The following RNF212 variants were observed in gnomAD, a reference collection of about 807,000 sequenced individuals.
RNF212 encodes the protein ring finger protein 212.
Under a neutral mutation model 34.7 loss-of-function variants are expected in RNF212, and 33 were observed. The ratio of observed to expected loss-of-function variants is 0.95; its 90% CI spans 0.72 to 1.27. RNF212 has a LOEUF of 1.27. RNF212 is among the 50% of genes most tolerant of loss of function. The pLI, the probability that RNF212 is intolerant of heterozygous loss-of-function variation, is 0.00. For missense variants in RNF212, 377 were observed against 362.2 expected (o/e 1.04, Z -0.33); for synonymous variants, 140 against 136.1 (o/e 1.03, Z -0.20).
At chr4:1,093,641 G>C in intron 3 of RNF212, 1 of 1,535,920 alleles carries the variant, frequency 6.5e-7, no homozygotes, top group Non-Finnish European at 8.7e-7. Flanking sequence ...TCCTGAGACA[G>C]CACCTGGCCT....
chr4:1,093,658 CACT>C, intron 3 of RNF212: 1 of 1,535,980 alleles, frequency 6.5e-7, no homozygotes, highest in Non-Finnish European at 8.7e-7. Flanking sequence ...GCCTCTGCAG[CACT>C]TGGCAAAACC....
At chr4:1,062,437 G>A (rs1197661627) in intron 3 of RNF212, among the ~76,000 whole-genome samples, 2 of 152,258 alleles carry the variant, frequency 1.3e-5, no homozygotes, top group Middle Eastern at 3.4e-3. Context: ...AAGAGAAAGA[G>A]AAAGCACTTG....
At chr4:1,063,631 TG>T (rs1717892496) in intron 3 of RNF212, among the ~76,000 whole-genome samples, 1 of 146,438 alleles carries the variant, frequency 6.8e-6, no homozygotes, top group South Asian at 2.2e-4. Flanking sequence ...AACCCAGAGG[TG>T]GAGGTTGCAG....
At chr4:1,056,878 C>T (rs760140921) in intron 4 of RNF212, 1,126 of 987,836 alleles carry the variant, frequency 1.1e-3, no homozygotes, top group Non-Finnish European at 1.2e-3. Flanking sequence ...TGCTGATGGG[C>T]GGCCGGGGGG....
chr4:1,093,426 A>G, intron 3 of RNF212: 1 of 1,428,186 alleles, frequency 7.0e-7, no homozygotes, highest in Non-Finnish European at 9.1e-7. Context: ...AAATGTTACA[A>G]TACCACCTCA....
At chr4:1,098,310 C>A (rs1723381777) in intron 2 of RNF212, among the ~76,000 whole-genome samples, 1 of 152,174 alleles carries the variant, frequency 6.6e-6, no homozygotes, top group Non-Finnish European at 1.5e-5. Context: ...GAAATGATAT[C>A]TTGAATTGAC....
downstream of RNF212, among the ~76,000 whole-genome samples, chr4:1,069,304 T>G (rs530654746): frequency 6.6e-6 from 1 of 152,132 alleles, no homozygotes; most frequent in Non-Finnish European, 1.5e-5. Context: ...TTCTTTATAG[T>G]AGAATGACAA....
rs769642054 is a variant in RNF212, at chr4:1,072,906, G to C, written c.862C>G (p.Leu288Val). 1 of 1,613,012 alleles carries C rather than the reference G, an allele frequency of 6.2e-7. No homozygotes were observed. The highest frequency in any genetic ancestry group is 8.5e-7 in the Non-Finnish European group (1 of 1,179,310). Reference sequence around the variant, plus strand: ...GACTTTTTCCTTTCAAATTGGCAAAGAGGAAACACAACAGACACAGCGGGT... The same window carrying C: ...GACTTTTTCCTTTCAAATTGGCAAACAGGAAACACAACAGACACAGCGGGT... ...RTPAVSVVFP[L>V]CQFERKKSF is the part of the protein sequence containing the mutation. The change falls in exon 10 of 10, where the codon CTT becomes GTT. Residue 288 changes from leucine to valine, a missense_variant. By Grantham distance (32) the Leu-to-Val change is conservative. Coordinates refer to ENST00000433731, the MANE Select transcript of RNF212 (RefSeq NM_001131034.4).
chr4:1,102,634 C>T (rs1189162297), intron 2 of RNF212, among the ~76,000 whole-genome samples: 4 of 151,628 alleles, frequency 2.6e-5, no homozygotes, highest in East Asian at 1.9e-4. Flanking sequence ...AGGCAGATCA[C>T]GAGGTCAGGA....
intron 4 of RNF212, chr4:1,056,878 C>G: frequency 4.0e-6 from 4 of 987,962 alleles, no homozygotes; most frequent in Non-Finnish European, 3.6e-6. Context: ...TGCTGATGGG[C>G]GGCCGGGGGG....
At position 1,073,785 on chromosome 4, in the gene RNF212, C is replaced by T. The variant is rs1577646315; in HGVS notation, c.511-123G>A. 3 of 697,022 alleles carry T rather than the reference C, an allele frequency of 4.3e-6. No homozygotes were observed. The East Asian group carries it at 8.1e-5, about 19-fold the overall frequency. 43.2% of individuals were successfully genotyped at this position (697,022 alleles called of 1,614,324 possible). On this transcript the variant is annotated intron_variant, in intron 8 of 9. Transcript: ENST00000433731. ...CCATCTCCCTCATCTTTATCGCCCTCTGACAAGTTCCTGTCTAACTTGATT... is the reference window on the plus strand; with the variant it reads ...CCATCTCCCTCATCTTTATCGCCCTTTGACAAGTTCCTGTCTAACTTGATT...
intron 3 of RNF212, among the ~76,000 whole-genome samples, chr4:1,061,022 C>T (rs1717716388): frequency 6.6e-6 from 1 of 152,218 alleles, no homozygotes; most frequent in South Asian, 2.1e-4. Flanking sequence ...ATTCAGGCCT[C>T]TGGAAATCAA....
At chr4:1,079,461 C>T (rs1310308078) in intron 8 of RNF212, among the ~76,000 whole-genome samples, 182 bp downstream of exon 8, 1 of 152,264 alleles carries the variant, frequency 6.6e-6, no homozygotes, top group Non-Finnish European at 1.5e-5. Flanking sequence ...CAGGAGCGTT[C>T]TCATGACCCA....
At chr4:1,088,207 G>T (rs1721646393) in intron 4 of RNF212, among the ~76,000 whole-genome samples, 5 of 152,226 alleles carry the variant, frequency 3.3e-5, no homozygotes, top group Admixed American at 3.3e-4. Context: ...TATGGATGGT[G>T]AAGTTCAGGC....
chr4:1,090,858 C>T lies in RNF212; in HGVS notation c.247-20G>A. Reference sequence around the variant, plus strand: ...TAAAATCTGAAAAGATCATAGGTTTCAGCTGCTGACACAGATCCACGGTCT... The same window carrying T: ...TAAAATCTGAAAAGATCATAGGTTTTAGCTGCTGACACAGATCCACGGTCT... On this transcript the variant is annotated intron_variant, in intron 3 of 9. Transcript: ENST00000433731. 1.3e-6 allele frequency: 2 copies of T among 1,526,272 alleles called. No individual in the cohort carries two copies. Among genetic ancestry groups the T allele is most frequent in the South Asian group, 1.1e-5 (1 of 88,620 alleles). The allele number at this position is 1,526,272 out of a possible 1,614,324, so 94.5% of individuals were successfully genotyped here.
intron 3 of RNF212, among the ~76,000 whole-genome samples, chr4:1,063,548 A>C (rs1386471348): frequency 6.6e-6 from 1 of 152,012 alleles, no homozygotes; most frequent in Non-Finnish European, 1.5e-5. Flanking sequence ...CCATCTCTAC[A>C]AAACTAGCCA....
rs372390304 is a variant in RNF212 at position 1,096,757 on chromosome 4, C to T, written c.246+8G>A. On this transcript the variant is annotated splice_region_variant and intron_variant, in intron 3 of 9. Coordinates refer to ENST00000433731, the MANE Select transcript of RNF212 (RefSeq NM_001131034.4). ...TCACGGAACCAAGCCACACCCCTCA[C>T]AGCTCACCTGGGAGGTTTCCCTGGA... 5.0e-6 allele frequency: 8 copies of T among 1,609,498 alleles called. No homozygotes were observed. In the African/African-American group the frequency reaches 5.3e-5, roughly 11 times the overall value.
chr4:1,103,090 C>A (rs750317464), intron 2 of RNF212, among the ~76,000 whole-genome samples: 6 of 151,792 alleles, frequency 4.0e-5, no homozygotes, highest in Non-Finnish European at 7.4e-5. Context: ...AACTTACAGA[C>A]ATGAAAAATA....
Sources: allele counts gnomAD v4.1 joint callset (sites outside exome capture counted in the v4.1 genomes callset), GRCh38; gene constraint gnomAD v4.1.1; transcripts MANE v1.5; gene names NCBI Gene and HGNC (gene_info 2026-07-23, HGNC 2026-07-21).